Variants in NRCAM observed in about 807,000 individuals in gnomAD.
NRCAM encodes NgCAM-related cell adhesion molecule.
A neutral mutation model predicts 156.5 loss-of-function variants in NRCAM; 83 were observed. That is an observed-to-expected ratio of 0.53 (90% confidence interval 0.44 to 0.64). NRCAM has a LOEUF of 0.64. Among genes scored for constraint, NRCAM ranks in the 30% least tolerant of loss-of-function variants. NRCAM has a pLI of 0.00. For synonymous variants in NRCAM, 538 were observed against 563.9 expected, an observed-to-expected ratio of 0.95 and a Z score of 0.65; for missense variants, 1,417 against 1,597.3, an observed-to-expected ratio of 0.89 and a Z score of 1.92.
chr7:108,278,581 T>C (rs181007329), intron 3 of NRCAM, among the ~76,000 whole-genome samples: 162 of 152,298 alleles, frequency 1.1e-3, no homozygotes, highest in African/African-American at 3.7e-3. Flanking sequence ...CAGGAGGTAA[T>C]CTGGTCTGCT....
Position 108,223,844 on chromosome 7 carries a change from CAAG to C in NRCAM, c.779-11_779-9del. On this transcript the variant is annotated splice_polypyrimidine_tract_variant and intron_variant, in intron 10 of 32. Coordinates refer to ENST00000379028, the MANE Select transcript of NRCAM (RefSeq NM_001037132.4). ...TCTCTCTACTTGATTTAGCTGCAAACAAGAAAATCAGTATGCATTACAACTTAT... is the reference window on the plus strand; with the variant it reads ...TCTCTCTACTTGATTTAGCTGCAAACAAAATCAGTATGCATTACAACTTAT... The C allele has an allele frequency of 1.5e-6, 2 of 1,360,496 alleles. No homozygotes were observed. Among genetic ancestry groups the C allele is most frequent in the Non-Finnish European group, 2.1e-6 (2 of 949,670 alleles). The allele number at this position is 1,360,496 out of a possible 1,614,324, so 84.3% of individuals were successfully genotyped here. A position where few individuals can be genotyped will look rare whatever the true frequency, so the allele number is the denominator to read the frequency against.
At chr7:108,301,178 T>C (rs538523591) in intron 3 of NRCAM, among the ~76,000 whole-genome samples, 3 of 152,352 alleles carry the variant, frequency 2.0e-5, no homozygotes, top group African/African-American at 4.8e-5. Flanking sequence ...TTTAAAATAC[T>C]GTTATTGCAT....
intron 1 of NRCAM, among the ~76,000 whole-genome samples, chr7:108,408,902 C>T (rs1791794078): frequency 6.6e-6 from 1 of 152,084 alleles, no homozygotes; most frequent in Non-Finnish European, 1.5e-5. Context: ...GGTAGGAGAA[C>T]TGGGACTGTC....
At chr7:108,422,930 C>T (rs1383725525) in intron 1 of NRCAM, among the ~76,000 whole-genome samples, 1 of 152,116 alleles carries the variant, frequency 6.6e-6, no homozygotes, top group East Asian at 1.9e-4. Context: ...TTCAGCCCCC[C>T]ATCTTAGCCT....
At chr7:108,282,941 C>T (rs2154095034) in intron 3 of NRCAM, among the ~76,000 whole-genome samples, 1 of 152,318 alleles carries the variant, frequency 6.6e-6, no homozygotes, top group East Asian at 1.9e-4. Flanking sequence ...ATCAGAAGTT[C>T]TGGGGGTGGG....
In NRCAM at chr7:108,240,022, C is replaced by A. The variant is rs1156370566; in HGVS notation, c.43G>T (p.Gly15Cys). 6.2e-7 allele frequency: 1 copy of A among 1,613,222 alleles called. No homozygotes were observed. The highest frequency in any genetic ancestry group is 1.3e-5 in the African/African-American group (1 of 74,864). ...AGGAAGAGAATCAGGGGCACTCTGC[C>A]CGCAGATAAGCGCTTCTTTTTCGGC... ...IMPKKKRLSA[G>C]RVPLILFLCQ... The change falls in exon 4 of 33, where the codon GGC becomes TGC. Residue 15 changes from glycine to cysteine, a missense_variant. Coordinates refer to ENST00000379028, the MANE Select transcript of NRCAM (RefSeq NM_001037132.4).
intron 28 of NRCAM, among the ~76,000 whole-genome samples, chr7:108,171,655 T>C (rs10487841): frequency 0.09 from 13,697 of 152,196 alleles, 756 homozygotes; most frequent in African/African-American, 0.15. Context: ...ACCTCTATAT[T>C]CAGATAACAT....
At chr7:108,335,389 A>G (rs2099168772) in intron 2 of NRCAM, among the ~76,000 whole-genome samples, 2 of 146,292 alleles carry the variant, frequency 1.4e-5, no homozygotes, top group African/African-American at 5.1e-5. Context: ...TTCCCTTCCA[A>G]TTCCTCACCT....
intron 3 of NRCAM, among the ~76,000 whole-genome samples, chr7:108,276,645 G>C (rs1229684423): frequency 6.6e-6 from 1 of 151,870 alleles, no homozygotes. Flanking sequence ...ACATGAGGTG[G>C]GTCTCCTGAA....
intron 10 of NRCAM, among the ~76,000 whole-genome samples, chr7:108,224,074 T>A (rs1163873683): frequency 6.6e-6 from 1 of 152,134 alleles, no homozygotes; most frequent in Non-Finnish European, 1.5e-5. Flanking sequence ...ATAAGGACTG[T>A]TTTCCTTTTG....
intron 1 of NRCAM, among the ~76,000 whole-genome samples, chr7:108,444,235 T>A (rs999005022): frequency 6.6e-6 from 1 of 152,184 alleles, no homozygotes; most frequent in Admixed American, 6.5e-5. Flanking sequence ...CCGTTTTATA[T>A]CAGAGACTTG....
Position 108,304,734 on chromosome 7 carries a change from C to T in NRCAM, c.-107+7931G>A, listed in dbSNP as rs563945693. Among the ~76,000 whole-genome samples the T allele has an allele frequency of 3.1e-4, 47 of 152,246 alleles. 1 individual carries two copies. The East Asian group carries it at 8.7e-3, about 28-fold the overall frequency. Reference sequence around the variant, plus strand: ...ACTCATTCAATGATTACTGAACATGCTTCTTATGGGGAACCACATTTGACT... The same window carrying T: ...ACTCATTCAATGATTACTGAACATGTTTCTTATGGGGAACCACATTTGACT... On this transcript the variant is annotated intron_variant, in intron 3 of 32. Transcript: ENST00000379028.
At chr7:108,247,590 G>C (rs200403635) in intron 3 of NRCAM, among the ~76,000 whole-genome samples, 2 of 130,976 alleles carry the variant, frequency 1.5e-5, no homozygotes, top group Non-Finnish European at 3.2e-5. Context: ...AATTATTTTA[G>C]CATAAATTTG....
At chr7:108,272,421 T>C (rs1297125425) in intron 3 of NRCAM, among the ~76,000 whole-genome samples, 1 of 152,146 alleles carries the variant, frequency 6.6e-6, no homozygotes, top group Non-Finnish European at 1.5e-5. Flanking sequence ...TCACCATCAT[T>C]TATCCAAAAG....
intron 3 of NRCAM, among the ~76,000 whole-genome samples, chr7:108,298,055 G>C (rs934515218): frequency 2.6e-5 from 4 of 152,106 alleles, no homozygotes; most frequent in Non-Finnish European, 5.9e-5. Context: ...CTTTGTACAA[G>C]CTTAATTAAG....
chr7:108,313,851 T>C (rs1353410943), intron 2 of NRCAM, among the ~76,000 whole-genome samples: 1 of 152,198 alleles, frequency 6.6e-6, no homozygotes, highest in Non-Finnish European at 1.5e-5. Context: ...AATTTTAAGA[T>C]ATATCTACAA....
At chr7:108,350,352 G>A (rs2099402823) in intron 2 of NRCAM, among the ~76,000 whole-genome samples, 1 of 152,182 alleles carries the variant, frequency 6.6e-6, no homozygotes, top group Non-Finnish European at 1.5e-5. Flanking sequence ...TTCTCTGTAA[G>A]TATCTGTGAC....
In NRCAM at chr7:108,377,849, T is replaced by C. The variant is rs531175406; in HGVS notation, c.-174+21587A>G. ...AAAGAATAGCTAAGCTATAAGTAAC[T>C]AAAAGGGAAATATCAGAGGATAACG... On this transcript the variant is annotated intron_variant, in intron 2 of 32. Coordinates refer to ENST00000379028, the MANE Select transcript of NRCAM (RefSeq NM_001037132.4). Among the ~76,000 whole-genome samples the C allele has an allele frequency of 4.6e-5, 7 of 152,140 alleles. No homozygotes were observed. In the South Asian group the frequency reaches 1.5e-3, roughly 32 times the overall value.
intron 2 of NRCAM, among the ~76,000 whole-genome samples, chr7:108,375,268 A>G (rs1217807127): frequency 6.6e-6 from 1 of 152,090 alleles, no homozygotes; most frequent in Non-Finnish European, 1.5e-5. Context: ...CAGTATTTGA[A>G]TACTGAATGA....
Sources: allele counts gnomAD v4.1 joint callset (sites outside exome capture counted in the v4.1 genomes callset), GRCh38; gene constraint gnomAD v4.1.1; transcripts MANE v1.5; gene names NCBI Gene and HGNC (gene_info 2026-07-23, HGNC 2026-07-21).